GNAQ: variants seen among roughly 807,000 people sequenced by gnomAD.
The protein encoded by GNAQ is guanine nucleotide-binding protein G(q) subunit alpha.
In GNAQ, 8 loss-of-function variants were observed where a neutral mutation model predicts 43.9. The observed-to-expected ratio is 0.18, with a 90% CI of 0.11 to 0.33. GNAQ has a LOEUF of 0.33. Ranked by LOEUF, GNAQ falls within the 10% of genes least tolerant of loss-of-function variation. GNAQ has a pLI of 1.00. For synonymous variants in GNAQ, 155 were observed against 170.7 expected (o/e 0.91, Z 0.71); for missense variants, 158 against 450.8 (o/e 0.35, Z 5.88).
Position 77,762,318 on chromosome 9 carries a change from C to T in GNAQ, c.735+32145G>A, listed in dbSNP as rs1427168081. On this transcript the variant is annotated intron_variant, in intron 5 of 6. Coordinates refer to ENST00000286548, the MANE Select transcript of GNAQ (RefSeq NM_002072.5). ...GAGGTGGGGGGGTCAGCCCCCCGCC[C>T]GGCCAGCCGCCCCACCTGGGAGGTG... 3.1e-3 allele frequency among the ~76,000 whole-genome samples: 437 copies of T among 138,766 alleles called. 2 individuals are homozygous for T. The highest frequency in any genetic ancestry group is 0.01 in the African/African-American group (377 of 36,612). The allele number at this position is 138,766 out of a possible 152,430, so 91.0% of individuals were successfully genotyped here.
chr9:77,879,013 T>C (rs548387521), intron 2 of GNAQ, among the ~76,000 whole-genome samples: 1 of 151,678 alleles, frequency 6.6e-6, no homozygotes, highest in Admixed American at 6.6e-5. Context: ...ACCACTGCAC[T>C]CCAGCCTGGG....
At chr9:77,840,786 G>A (rs948710588) in intron 2 of GNAQ, among the ~76,000 whole-genome samples, 2 of 152,140 alleles carry the variant, frequency 1.3e-5, no homozygotes, top group Non-Finnish European at 2.9e-5. Context: ...TTTGTCTCTA[G>A]GGAAGGGGTG....
rs988014687 is a variant in GNAQ, at chr9:77,818,245, T to G, written c.322-2475A>C. 1.4e-4 allele frequency among the ~76,000 whole-genome samples: 21 copies of G among 152,322 alleles called. No homozygotes were observed. The South Asian group carries it at 3.9e-3, about 29-fold the overall frequency. ...AAGTCACTTTTACTGCCTCCTAAGCTTTGTTGTTTCATTCCATCCTTGCTG... is the reference window on the plus strand; with the variant it reads ...AAGTCACTTTTACTGCCTCCTAAGCGTTGTTGTTTCATTCCATCCTTGCTG... On this transcript the variant is annotated intron_variant, in intron 2 of 6. Coordinates refer to ENST00000286548, the MANE Select transcript of GNAQ (RefSeq NM_002072.5).
chr9:77,959,575 G>T (rs577464382), intron 1 of GNAQ, among the ~76,000 whole-genome samples: 5 of 151,998 alleles, frequency 3.3e-5, no homozygotes, highest in Admixed American at 6.6e-5. Flanking sequence ...ATGTTTTTTG[G>T]GAAATAACAA....
chr9:77,771,474 T>G (rs1041544592), intron 5 of GNAQ, among the ~76,000 whole-genome samples: 3 of 152,210 alleles, frequency 2.0e-5, no homozygotes, highest in South Asian at 2.1e-4. Context: ...AAACTAAATT[T>G]AACAGAAAAT....
intron 5 of GNAQ, among the ~76,000 whole-genome samples, chr9:77,750,045 T>C (rs1028537130): frequency 3.3e-5 from 5 of 152,148 alleles, no homozygotes; most frequent in Non-Finnish European, 5.9e-5. Flanking sequence ...CAAATGAATA[T>C]ATAGTTTTGA....
intron 2 of GNAQ, among the ~76,000 whole-genome samples, chr9:77,919,756 T>C (rs913373605): frequency 3.9e-5 from 6 of 152,098 alleles, no homozygotes; most frequent in African/African-American, 1.4e-4. Flanking sequence ...TGAGGATAAT[T>C]ATGGTATCTG....
intron 2 of GNAQ, among the ~76,000 whole-genome samples, chr9:77,910,613 A>G (rs956745779): frequency 6.6e-6 from 1 of 152,150 alleles, no homozygotes; most frequent in Middle Eastern, 3.4e-3. Flanking sequence ...TGGACCAATC[A>G]GTAATGTTCC....
chr9:77,900,750 T>C (rs1320244065), intron 2 of GNAQ, among the ~76,000 whole-genome samples: 1 of 152,088 alleles, frequency 6.6e-6, no homozygotes, highest in Non-Finnish European at 1.5e-5. Flanking sequence ...CATTCTCCAC[T>C]TACTTACCCT....
At chr9:77,974,818 C>T (rs769010134) in intron 1 of GNAQ, among the ~76,000 whole-genome samples, 10 of 152,228 alleles carry the variant, frequency 6.6e-5, no homozygotes, top group Non-Finnish European at 1.2e-4. Context: ...TGACGGATTG[C>T]TGCTGTTCAC....
intron 2 of GNAQ, among the ~76,000 whole-genome samples, chr9:77,903,802 G>A (rs900346305): frequency 6.6e-6 from 1 of 151,952 alleles, no homozygotes; most frequent in Non-Finnish European, 1.5e-5. Context: ...ATGCTCAAAA[G>A]TGAACTGCCA....
At chr9:77,733,800 G>A (rs747988155) in intron 5 of GNAQ, among the ~76,000 whole-genome samples, 4 of 152,240 alleles carry the variant, frequency 2.6e-5, no homozygotes, top group Non-Finnish European at 4.4e-5. Context: ...AGTAGGAGAT[G>A]CTGGGGTGAC....
At chr9:77,922,574 T>G (rs1419048796) in intron 1 of GNAQ, among the ~76,000 whole-genome samples, 1 of 152,140 alleles carries the variant, frequency 6.6e-6, no homozygotes, top group East Asian at 1.9e-4. Context: ...CCCAAACCCG[T>G]CACCTCCTTG....
At chr9:77,929,693 G>C (rs1394889438) in intron 1 of GNAQ, among the ~76,000 whole-genome samples, 1 of 151,978 alleles carries the variant, frequency 6.6e-6, no homozygotes. Flanking sequence ...AAATTAGCCC[G>C]GTGTGGTGAT....
chr9:77,972,594 A>G (rs962128728), intron 1 of GNAQ, among the ~76,000 whole-genome samples: 3 of 152,180 alleles, frequency 2.0e-5, no homozygotes, highest in Admixed American at 6.5e-5. Flanking sequence ...AATCAAAAAC[A>G]AAATATAAAA....
chr9:77,965,602 TCAA>T (rs745658585), intron 1 of GNAQ, among the ~76,000 whole-genome samples: 2 of 152,270 alleles, frequency 1.3e-5, no homozygotes, highest in Middle Eastern at 6.8e-3. Context: ...GAGAAACTAC[TCAA>T]CAACATTAGT....
At position 77,814,865 on chromosome 9, in the gene GNAQ, A is replaced by G. The variant is rs113803868; in HGVS notation, c.476+751T>C. Among the ~76,000 whole-genome samples, 860 of 152,280 alleles carry G rather than the reference A, an allele frequency of 5.6e-3. 1 individual carries two copies. Among genetic ancestry groups the G allele is most frequent in the African/African-American group, 0.02 (812 of 41,542 alleles). On this transcript the variant is annotated intron_variant, in intron 3 of 6. Transcript: ENST00000286548. ...CCTGGCTAAATACCACCAAAAGAAAACTCACTATTCAGGTGCCTGGTTATC... is the reference window on the plus strand; with the variant it reads ...CCTGGCTAAATACCACCAAAAGAAAGCTCACTATTCAGGTGCCTGGTTATC...
At chr9:77,982,828 G>C (rs571390089) in intron 1 of GNAQ, among the ~76,000 whole-genome samples, 14 of 151,606 alleles carry the variant, frequency 9.2e-5, no homozygotes, top group African/African-American at 2.2e-4. Flanking sequence ...GATAGTAATG[G>C]GAGATATACC....
intron 1 of GNAQ, among the ~76,000 whole-genome samples, chr9:78,028,619 T>A (rs1020466529): frequency 2.6e-5 from 4 of 152,220 alleles, no homozygotes; most frequent in Non-Finnish European, 4.4e-5. Context: ...TATTCCTCCA[T>A]AAACTAGTTA....
Sources: gnomAD v4.1 joint callset for allele counts (sites outside exome capture counted in the v4.1 genomes callset) on GRCh38, gnomAD v4.1.1 for gene constraint, MANE v1.5 for transcripts, NCBI Gene and HGNC (gene_info 2026-07-23, HGNC 2026-07-21) for gene names.